The following ANO3 variants were observed in gnomAD, a reference collection of about 807,000 sequenced individuals.
ANO3 encodes the protein anoctamin 3.
A neutral mutation model predicts 144.8 loss-of-function variants in ANO3; 99 were observed. The observed-to-expected ratio is 0.68, with a 90% CI of 0.58 to 0.81. The LOEUF (loss-of-function observed/expected upper bound fraction) is 0.81, where lower values mean the gene tolerates loss of function less well. Among genes scored for constraint, ANO3 ranks in the 30% least tolerant of loss-of-function variants. The pLI is 0.00. For synonymous variants in ANO3, 414 were observed against 392.6 expected, an observed-to-expected ratio of 1.05 and a Z score of -0.64; for missense variants, 905 against 1,202.2, an observed-to-expected ratio of 0.75 and a Z score of 3.66.
chr11:26,622,805 G>A (rs1336946309), intron 17 of ANO3, among the ~76,000 whole-genome samples: 3 of 152,164 alleles, frequency 2.0e-5, no homozygotes, highest in East Asian at 1.9e-4. Context: ...CAAAATTGTT[G>A]TTAAGGAATA....
chr11:26,267,144 C>T (rs1467955771), intron 1 of ANO3, among the ~76,000 whole-genome samples: 1 of 151,218 alleles, frequency 6.6e-6, no homozygotes, highest in African/African-American at 2.4e-5. Flanking sequence ...TATATAAAGT[C>T]AAACATGGGC....
At chr11:26,634,143 G>A (rs553826187) in intron 18 of ANO3, 61 bp from the exon 19 acceptor site, 4 of 927,182 alleles carry the variant, frequency 4.3e-6, no homozygotes, top group African/African-American at 3.3e-5. Context: ...CTGCCTCCAT[G>A]TCCAGAGTCT....
At chr11:26,565,027 T>A (rs1850510770) in intron 14 of ANO3, 1 of 790,034 alleles carries the variant, frequency 1.3e-6, no homozygotes, top group South Asian at 3.2e-5. Flanking sequence ...ATAATGATCA[T>A]CCCTCAAAAG....
At chr11:26,529,663 A>G (rs1284944635) in intron 7 of ANO3, among the ~76,000 whole-genome samples, 1 of 150,476 alleles carries the variant, frequency 6.6e-6, no homozygotes, top group Non-Finnish European at 1.5e-5. Flanking sequence ...TTGCAGAAGA[A>G]GCCAAAAATT....
chr11:26,252,139 C>CA (rs1852941824), intron 1 of ANO3, among the ~76,000 whole-genome samples: 1 of 152,030 alleles, frequency 6.6e-6, no homozygotes, highest in Non-Finnish European at 1.5e-5. Context: ...AGTTCAAATT[C>CA]AACTTTAGCC....
chr11:26,510,758 T>C (rs1391845020), intron 5 of ANO3, among the ~76,000 whole-genome samples: 1 of 152,228 alleles, frequency 6.6e-6, no homozygotes, highest in Non-Finnish European at 1.5e-5. Context: ...TCTCAGCTTC[T>C]ACCTAGTTTT....
chr11:26,647,747 G>A lies in ANO3; in HGVS notation c.2467G>A (p.Ala823Thr), dbSNP rs747269649. The A allele has an allele frequency of 1.2e-6, 2 of 1,611,984 alleles. No individual in the cohort carries two copies. The highest frequency in any genetic ancestry group is 8.5e-7 in the Non-Finnish European group (1 of 1,178,882). ...LGILEGIGIL[A>T]VITNAFVIAI... ...AATTCTCGAAGGAATCGGTATATTG[G>A]CTGTGATCACCAATGCATTTGTAAT... is the stretch of plus-strand genomic sequence containing the variant. Residue 823 changes from alanine (A) to threonine (T), a missense_variant, in exon 24 of 27, where the codon GCT (alanine) becomes ACT (threonine). Coordinates refer to ENST00000256737, the MANE Select transcript of ANO3 (RefSeq NM_031418.4).
chr11:26,209,533 G>A lies in ANO3; in HGVS notation c.154+20203G>A, dbSNP rs549275246. Among the ~76,000 whole-genome samples the A allele has an allele frequency of 1.0e-3, 158 of 152,312 alleles. 1 individual carries two copies. Among genetic ancestry groups the A allele is most frequent in the Non-Finnish European group, 1.8e-3 (125 of 68,028 alleles). ...CAGTAATGGGATTGCTCGGTCAAAT[G>A]TTATTTCTGGTTCTAGATCCTTCAG... is the stretch of plus-strand genomic sequence containing the variant. On this transcript the variant is annotated intron_variant, in intron 1 of 27. Coordinates refer to the ANO3 transcript ENST00000672621.
chr11:26,391,017 A>C (rs1329070249), intron 1 of ANO3, among the ~76,000 whole-genome samples: 2 of 152,142 alleles, frequency 1.3e-5, no homozygotes, highest in East Asian at 3.8e-4. Flanking sequence ...AAGAGCAAGA[A>C]ATGTCCTTTT....
intron 1 of ANO3, among the ~76,000 whole-genome samples, chr11:26,425,235 A>G (rs1170855139): frequency 6.6e-6 from 1 of 152,114 alleles, no homozygotes; most frequent in African/African-American, 2.4e-5. Context: ...AAATATTTCT[A>G]TAAAGCAGAA....
At chr11:26,542,385 C>T (rs922847022) in intron 11 of ANO3, among the ~76,000 whole-genome samples, 2 of 151,954 alleles carry the variant, frequency 1.3e-5, no homozygotes, top group East Asian at 1.9e-4. Context: ...ATTGCTAGGG[C>T]TTCCAGCAGA....
At chr11:26,370,298 A>G (rs776203395) in intron 1 of ANO3, among the ~76,000 whole-genome samples, 2 of 152,172 alleles carry the variant, frequency 1.3e-5, no homozygotes, top group African/African-American at 4.8e-5. Flanking sequence ...TCCTGCTGCC[A>G]TGAAAAGAAG....
intron 6 of ANO3, among the ~76,000 whole-genome samples, chr11:26,518,918 AC>A: frequency 6.6e-6 from 1 of 152,068 alleles, no homozygotes; most frequent in Non-Finnish European, 1.5e-5. Flanking sequence ...TTTTCTTTAT[AC>A]TCTTACAAAA....
At chr11:26,484,925 C>T (rs1860383386) in intron 4 of ANO3, among the ~76,000 whole-genome samples, 1 of 152,144 alleles carries the variant, frequency 6.6e-6, no homozygotes, top group South Asian at 2.1e-4. Context: ...GGGTTTTGGG[C>T]TTGTTTGGGG....
rs967976728 is a variant in ANO3 at position 26,641,028 on chromosome 11, C to T, written c.2142-868C>T. Among the ~76,000 whole-genome samples, 4 of 152,118 alleles carry T rather than the reference C, an allele frequency of 2.6e-5. No individual in the cohort carries two copies. The South Asian group carries it at 8.3e-4, about 31-fold the overall frequency. On this transcript the variant is annotated intron_variant, in intron 21 of 26. Transcript: ENST00000256737. ...TTAAAATTGAGGGTTGGGTACTGTT[C>T]ACTGAGTCCTGTAAAATTCACCTTG...
At chr11:26,316,257 G>T (rs1248747703) in intron 1 of ANO3, among the ~76,000 whole-genome samples, 3 of 152,118 alleles carry the variant, frequency 2.0e-5, no homozygotes, top group African/African-American at 7.2e-5. Context: ...TTCTGGTCCT[G>T]CGATGCCACC....
At chr11:26,379,343 A>C (rs1260466396) in intron 1 of ANO3, among the ~76,000 whole-genome samples, 3 of 152,176 alleles carry the variant, frequency 2.0e-5, no homozygotes, top group Non-Finnish European at 4.4e-5. Flanking sequence ...GTGTGATGTG[A>C]TCTATTTTCC....
At chr11:26,612,779 C>T (rs1177941080) in intron 17 of ANO3, among the ~76,000 whole-genome samples, 5 of 151,682 alleles carry the variant, frequency 3.3e-5, no homozygotes, top group African/African-American at 7.3e-5. Flanking sequence ...GTATTATTGC[C>T]GGACAGATTT....
intron 24 of ANO3, among the ~76,000 whole-genome samples, chr11:26,650,004 T>C (rs893495509): frequency 6.6e-6 from 1 of 152,178 alleles, no homozygotes; most frequent in African/African-American, 2.4e-5. Context: ...TGACTGGGTA[T>C]CTAGCACTCT....
Sources: gnomAD v4.1 joint callset for allele counts (sites outside exome capture counted in the v4.1 genomes callset) on GRCh38, gnomAD v4.1.1 for gene constraint, MANE v1.5 for transcripts, NCBI Gene and HGNC (gene_info 2026-07-23, HGNC 2026-07-21) for gene names.